The following DPYSL2 variants were observed in gnomAD, a reference collection of about 807,000 sequenced individuals.
DPYSL2 encodes dihydropyrimidinase-related protein 2.
In DPYSL2, 13 loss-of-function variants were observed where a neutral mutation model predicts 69.9. That is an observed-to-expected ratio of 0.19 (90% confidence interval 0.12 to 0.30). The LOEUF is 0.30. DPYSL2 is among the 10% of genes least tolerant of loss of function. The probability of loss-of-function intolerance (pLI) is 1.00; values close to 1 mark genes in which losing one functional copy is unlikely to be tolerated. For synonymous variants in DPYSL2, 326 were observed against 359.1 expected (o/e 0.91, Z 1.04); for missense variants, 587 against 918.9 (o/e 0.64, Z 4.67).
chr8:26,523,153 GTA>G (rs749896279), intron 1 of DPYSL2, among the ~76,000 whole-genome samples: 9 of 149,816 alleles, frequency 6.0e-5, no homozygotes, highest in East Asian at 1.9e-4. Context: ...AGACATACAT[GTA>G]TATATATATA....
chr8:26,654,706 A>C lies in DPYSL2; in HGVS notation c.1943-909A>C, dbSNP rs1429305025. Among the ~76,000 whole-genome samples, 2 of 152,164 alleles carry C rather than the reference A, an allele frequency of 1.3e-5. No individual in the cohort carries two copies. The highest frequency in any genetic ancestry group is 4.8e-5 in the African/African-American group (2 of 41,444). On this transcript the variant is annotated intron_variant, in intron 13 of 13. Coordinates refer to ENST00000521913, the MANE Select transcript of DPYSL2 (RefSeq NM_001197293.3). The surrounding 1 kb of genome is among the most constrained non-coding windows in gnomAD (Gnocchi z 5.0). Reference sequence around the variant, plus strand: ...CCAATTTGACTAATCAGAACAGGGGACAGGACAGAGTCTAAGATGTAGTGA... The same window carrying C: ...CCAATTTGACTAATCAGAACAGGGGCCAGGACAGAGTCTAAGATGTAGTGA...
intron 3 of DPYSL2, among the ~76,000 whole-genome samples, chr8:26,601,664 A>G (rs958914120): frequency 6.6e-6 from 1 of 151,132 alleles, no homozygotes; most frequent in Non-Finnish European, 1.5e-5. Flanking sequence ...GGCGTGAGCC[A>G]CAGCGCCTGG....
chr8:26,584,122 G>A (rs1801546185), intron 3 of DPYSL2, 139 bp downstream of exon 3: 1 of 799,970 alleles, frequency 1.3e-6, no homozygotes, highest in Non-Finnish European at 1.9e-6. Flanking sequence ...GTGAGGATGT[G>A]TTAACCATTT....
At position 26,640,197 on chromosome 8, in the gene DPYSL2, C is replaced by T. The variant is rs184253918; in HGVS notation, c.1127-3242C>T. On this transcript the variant is annotated intron_variant, in intron 8 of 13. Transcript: ENST00000521913. This position sits in a 1 kb window ranked among gnomAD's most constrained non-coding sequence, Gnocchi z 4.2. ...CTGGGAGCTATCAAGCATATTTAAA[C>T]CGCAGCCTTCCATTTATTCTTCATG... Among the ~76,000 whole-genome samples the T allele has an allele frequency of 3.9e-5, 6 of 152,352 alleles. No individual in the cohort carries two copies. Among genetic ancestry groups the T allele is most frequent in the Admixed American group, 2.6e-4 (4 of 15,306 alleles).
chr8:26,573,484 C>T (rs373711212), intron 1 of DPYSL2, among the ~76,000 whole-genome samples: 12 of 151,940 alleles, frequency 7.9e-5, no homozygotes, highest in South Asian at 2.1e-4. Flanking sequence ...CTGGCAAACA[C>T]GGTGAAACCC....
chr8:26,554,137 C>A (rs562731138), intron 1 of DPYSL2, among the ~76,000 whole-genome samples: 1 of 152,186 alleles, frequency 6.6e-6, no homozygotes, highest in South Asian at 2.1e-4. Flanking sequence ...ATCCACCCGC[C>A]TTGGCCTCCC....
In DPYSL2 at chr8:26,586,008, G is replaced by C. The variant is rs1490086613; in HGVS notation, c.628+2025G>C. Reference sequence around the variant, plus strand: ...AGTCCCAGCTACTTGGGAGGCTGAGGCAGGAGAATCTTTGAACCTGGGAGG... The same window carrying C: ...AGTCCCAGCTACTTGGGAGGCTGAGCCAGGAGAATCTTTGAACCTGGGAGG... On this transcript the variant is annotated intron_variant, in intron 3 of 13. Coordinates refer to ENST00000521913, the MANE Select transcript of DPYSL2 (RefSeq NM_001197293.3). The surrounding 1 kb of genome is among the most constrained non-coding windows in gnomAD (Gnocchi z 4.7). Among the ~76,000 whole-genome samples the C allele has an allele frequency of 1.3e-5, 2 of 152,156 alleles. No homozygotes were observed. Among genetic ancestry groups the C allele is most frequent in the Non-Finnish European group, 2.9e-5 (2 of 68,024 alleles).
At chr8:26,556,143 AG>A (rs1430880967) in intron 1 of DPYSL2, among the ~76,000 whole-genome samples, 289 of 2,282 alleles carry the variant, frequency 0.13, 30 homozygotes, top group South Asian at 0.34. Flanking sequence ...TACTATATAT[AG>A]TATATACTAT....
At position 26,565,687 on chromosome 8, in the gene DPYSL2, G is replaced by T. The variant is rs1274526192; in HGVS notation, c.355-16282G>T. 6.6e-6 allele frequency among the ~76,000 whole-genome samples: 1 copy of T among 152,194 alleles called. No homozygotes were observed. Reference sequence around the variant, plus strand: ...ATAAATAGACTCCACTATGTATAATGACTCGAGCACAAAAGGAGTTTATTT... The same window carrying T: ...ATAAATAGACTCCACTATGTATAATTACTCGAGCACAAAAGGAGTTTATTT... On this transcript the variant is annotated intron_variant, in intron 1 of 13. Transcript: ENST00000521913. This position sits in a 1 kb window ranked among gnomAD's most constrained non-coding sequence, Gnocchi z 4.1.
At chr8:26,604,077 C>A (rs1802054367) in intron 3 of DPYSL2, among the ~76,000 whole-genome samples, 1 of 152,180 alleles carries the variant, frequency 6.6e-6, no homozygotes, top group African/African-American at 2.4e-5. Flanking sequence ...GGTTACTGTG[C>A]AGCTTAAATT....
At chr8:26,631,784 T>C (rs1033737236) in intron 7 of DPYSL2, among the ~76,000 whole-genome samples, 3 of 151,556 alleles carry the variant, frequency 2.0e-5, no homozygotes, top group Admixed American at 6.6e-5. Flanking sequence ...ATGCAGGGGG[T>C]TTGAAAGGCT....
chr8:26,551,679 A>G (rs1800876697), intron 1 of DPYSL2, among the ~76,000 whole-genome samples: 1 of 152,238 alleles, frequency 6.6e-6, no homozygotes, highest in Non-Finnish European at 1.5e-5. Context: ...ATTCCAGGCC[A>G]TAAAACACAC....
chr8:26,632,462 C>CAGGAA (rs751785331), intron 7 of DPYSL2, among the ~76,000 whole-genome samples: 7 of 152,180 alleles, frequency 4.6e-5, no homozygotes, highest in Non-Finnish European at 7.3e-5. Context: ...GGGCACTTTC[C>CAGGAA]AGCAGGCCTT....
chr8:26,614,299 G>A lies in DPYSL2; in HGVS notation c.629-9844G>A, dbSNP rs1468955246. The stretch of plus-strand genomic sequence containing the variant: ...TGGCAGGGACAGGTTCCAGGCACTG[G>A]CAGGATGGGGGCCAGTGTGCAGTGG... On this transcript the variant is annotated intron_variant, in intron 3 of 13. Coordinates refer to ENST00000521913, the MANE Select transcript of DPYSL2 (RefSeq NM_001197293.3). This position sits in a 1 kb window ranked among gnomAD's most constrained non-coding sequence, Gnocchi z 4.9. Among the ~76,000 whole-genome samples the A allele has an allele frequency of 1.3e-5, 2 of 152,144 alleles. No individual in the cohort carries two copies. The highest frequency in any genetic ancestry group is 2.1e-4 in the South Asian group (1 of 4,824).
rs575201909 is a variant in DPYSL2 at position 26,560,539 on chromosome 8, G to A, written c.355-21430G>A. On this transcript the variant is annotated intron_variant, in intron 1 of 13. Transcript: ENST00000521913. The surrounding 1 kb of genome is among the most constrained non-coding windows in gnomAD (Gnocchi z 4.4). ...AGCTCACAGCCAGGCTCTGTGGGCT[G>A]CACCCCATGAGAAATTCTAGGTGAA... 6.6e-6 allele frequency among the ~76,000 whole-genome samples: 1 copy of A among 152,224 alleles called. No homozygotes were observed. The highest frequency in any genetic ancestry group is 2.4e-5 in the African/African-American group (1 of 41,530).
chr8:26,640,883 G>A lies in DPYSL2; in HGVS notation c.1127-2556G>A, dbSNP rs1027193008. On this transcript the variant is annotated intron_variant, in intron 8 of 13. Transcript: ENST00000521913. The surrounding 1 kb of genome is among the most constrained non-coding windows in gnomAD (Gnocchi z 4.2). ...TGTCTAAAGAGGCAGGTTCTGCTCA[G>A]CAGTGGCGTTGAGAGCTCAGACCCC... Among the ~76,000 whole-genome samples, 3 of 152,208 alleles carry A rather than the reference G, an allele frequency of 2.0e-5. No homozygotes were observed. Among genetic ancestry groups the A allele is most frequent in the African/African-American group, 7.2e-5 (3 of 41,454 alleles).
chr8:26,522,904 G>A (rs908700251), intron 1 of DPYSL2, among the ~76,000 whole-genome samples: 2 of 151,362 alleles, frequency 1.3e-5, no homozygotes, highest in East Asian at 1.9e-4. Flanking sequence ...TACTATCCCC[G>A]GCTGTTCTTA....
In DPYSL2 at chr8:26,626,482, AACACACACACACACAC is replaced by A. The variant is rs58931747; in HGVS notation, c.794-110_794-95del. ...TCTCCTCTCTCTTTCTCTGTACTGA[AACACACACACACACAC>A]ACACACACACACACACACACACACG... On this transcript the variant is annotated intron_variant, in intron 4 of 13. Transcript: ENST00000521913. This position sits in a 1 kb window ranked among gnomAD's most constrained non-coding sequence, Gnocchi z 4.3. 0.017 allele frequency: 9,035 copies of A among 544,658 alleles called. 79 individuals are homozygous for A. The highest frequency in any genetic ancestry group is 0.023 in the Non-Finnish European group (7,110 of 312,704). 33.7% of individuals were successfully genotyped at this position (544,658 alleles called of 1,614,324 possible).
chr8:26,619,145 C>T lies in DPYSL2; in HGVS notation c.629-4998C>T, dbSNP rs1300396348. Among the ~76,000 whole-genome samples the T allele has an allele frequency of 6.6e-6, 1 of 152,074 alleles. No individual in the cohort carries two copies. Among genetic ancestry groups the T allele is most frequent in the African/African-American group, 2.4e-5 (1 of 41,404 alleles). ...AGGGGCCGATAGCTCAGGGAGGTCACCAGAGGAAAGGCCTGTGAGCTCTGT... is the reference window on the plus strand; with the variant it reads ...AGGGGCCGATAGCTCAGGGAGGTCATCAGAGGAAAGGCCTGTGAGCTCTGT... On this transcript the variant is annotated intron_variant, in intron 3 of 13. Coordinates refer to ENST00000521913, the MANE Select transcript of DPYSL2 (RefSeq NM_001197293.3). The surrounding 1 kb of genome is among the most constrained non-coding windows in gnomAD (Gnocchi z 4.8).
Sources: gnomAD v4.1 joint callset for allele counts (sites outside exome capture counted in the v4.1 genomes callset) on GRCh38, gnomAD v4.1.1 for gene constraint, Gnocchi (gnomAD v3.1) non-coding constraint, MANE v1.5 for transcripts, NCBI Gene and HGNC (gene_info 2026-07-23, HGNC 2026-07-21) for gene names.